SANBR: variants seen among roughly 807,000 people sequenced by gnomAD.
SANBR encodes the protein SANT and BTB domain regulator of class switch recombination.
In SANBR, 77 loss-of-function variants were observed where a neutral mutation model predicts 101.8. That is an observed-to-expected ratio of 0.76 (90% confidence interval 0.63 to 0.91). SANBR has a LOEUF of 0.91. Among genes scored for constraint, SANBR ranks in the 40% least tolerant of loss-of-function variants. SANBR has a pLI of 0.00. For synonymous variants in SANBR, 279 were observed against 274.7 expected (o/e 1.02, Z -0.15); for missense variants, 875 against 853.0 (o/e 1.03, Z -0.32).
At chr2:61,108,823 C>G (rs1418704732) in intron 15 of SANBR, among the ~76,000 whole-genome samples, 1 of 151,998 alleles carries the variant, frequency 6.6e-6, no homozygotes, top group Non-Finnish European at 1.5e-5. Context: ...CCACATTCAC[C>G]CAGAGAATGT....
rs11897794 is a variant in SANBR at position 61,084,426 on chromosome 2, A to G, written c.890+1112A>G. On this transcript the variant is annotated intron_variant, in intron 8 of 21. Coordinates refer to ENST00000402291, the MANE Select transcript of SANBR (RefSeq NM_001129993.3). ...GTGATAGTGAATTATGTTAAAAATT[A>G]TGAAGATATTACTCAAGAGGCTGAG... is the stretch of plus-strand genomic sequence containing the variant. Among the ~76,000 whole-genome samples the G allele has an allele frequency of 6.1e-3, 930 of 152,250 alleles. 9 individuals carry two copies. Among genetic ancestry groups the G allele is most frequent in the African/African-American group, 0.021 (888 of 41,550 alleles).
intron 16 of SANBR, among the ~76,000 whole-genome samples, chr2:61,111,275 C>T (rs1259882899): frequency 1.3e-5 from 2 of 152,126 alleles, no homozygotes; most frequent in African/African-American, 4.8e-5. Context: ...CACCTGTAGT[C>T]CCAGCTACTC....
intron 11 of SANBR, among the ~76,000 whole-genome samples, chr2:61,095,962 C>G (rs936781830): frequency 1.3e-5 from 2 of 152,268 alleles, no homozygotes; most frequent in South Asian, 4.2e-4. Flanking sequence ...CCTTAATCAT[C>G]CAGTGGTACT....
At position 61,123,515 on chromosome 2, in the gene SANBR, A is replaced by G. The variant is rs760774768; in HGVS notation, c.*1353A>G. 5 of 971,066 alleles carry G rather than the reference A, an allele frequency of 5.1e-6. No homozygotes were observed. The highest frequency in any genetic ancestry group is 6.1e-6 in the Non-Finnish European group (5 of 816,800). The allele number at this position is 971,066 out of a possible 1,614,324, so 60.2% of individuals were successfully genotyped here. A position where few individuals can be genotyped will look rare whatever the true frequency, so the allele number is the denominator to read the frequency against. On this transcript the variant is annotated 3_prime_UTR_variant, in exon 22 of 22. Coordinates refer to ENST00000402291, the MANE Select transcript of SANBR (RefSeq NM_001129993.3). ...GTTTCAATTGTTTGATACTGTGGAA[A>G]TAGACTTTTATTTTCGAAAGAAAAT...
intron 16 of SANBR, among the ~76,000 whole-genome samples, chr2:61,112,232 A>T (rs555776685): frequency 1.3e-5 from 2 of 152,358 alleles, no homozygotes; most frequent in South Asian, 2.1e-4. Context: ...GCACATTCAC[A>T]TCAATACTTG....
At chr2:61,080,196 CAA>C (rs57117097) in intron 6 of SANBR, among the ~76,000 whole-genome samples, 20 of 113,202 alleles carry the variant, frequency 1.8e-4, no homozygotes, top group African/African-American at 3.4e-4. Context: ...AACTTTGTCT[CAA>C]AAAAAAAAAA....
rs1019693289 is a variant in SANBR, at chr2:61,123,593, T to C, written c.*1431T>C. On this transcript the variant is annotated 3_prime_UTR_variant, in exon 22 of 22. Coordinates refer to ENST00000402291, the MANE Select transcript of SANBR (RefSeq NM_001129993.3). ...ACTCTGTTAAATACCAGAGTTTTTT[T>C]TGTAGTTTACTGTGTTTTCTGATTA... 2.0e-6 allele frequency: 2 copies of C among 982,110 alleles called. No individual in the cohort carries two copies. The highest frequency in any genetic ancestry group is 5.2e-4 in the Middle Eastern group (1 of 1,926). 60.8% of individuals were successfully genotyped at this position (982,110 alleles called of 1,614,324 possible).
intron 8 of SANBR, 25 bp downstream of exon 8, chr2:61,083,339 A>G: frequency 7.8e-7 from 1 of 1,283,446 alleles, no homozygotes; most frequent in South Asian, 1.3e-5. Context: ...TTAATTTTAA[A>G]CCTAATACTC....
rs1573580018 is a variant in SANBR at position 61,070,237 on chromosome 2, A to G, written c.-9-105A>G. On this transcript the variant is annotated intron_variant, in intron 2 of 21. Coordinates refer to ENST00000402291, the MANE Select transcript of SANBR (RefSeq NM_001129993.3). Reference sequence around the variant, plus strand: ...TAGGTCAGTTTTACTTTTCCTTTACATGGTAGCAGATAATTATTAGGAATG... The same window carrying G: ...TAGGTCAGTTTTACTTTTCCTTTACGTGGTAGCAGATAATTATTAGGAATG... 4.8e-5 allele frequency: 37 copies of G among 768,102 alleles called. No individual in the cohort carries two copies. The East Asian group carries it at 4.9e-4, about 10-fold the overall frequency. 47.6% of individuals were successfully genotyped at this position (768,102 alleles called of 1,614,324 possible).
At chr2:61,071,218 T>C (rs1031540730) in intron 3 of SANBR, among the ~76,000 whole-genome samples, 5 of 152,188 alleles carry the variant, frequency 3.3e-5, no homozygotes, top group Non-Finnish European at 7.3e-5. Context: ...TATCTTCAAA[T>C]AGAAGGCAAG....
At chr2:61,078,914 C>G (rs916641134) in intron 6 of SANBR, among the ~76,000 whole-genome samples, 1 of 151,900 alleles carries the variant, frequency 6.6e-6, no homozygotes, top group Non-Finnish European at 1.5e-5. Context: ...TGGCACCCAC[C>G]TGTAATCCCA....
chr2:61,075,023 C>T (rs1340973109), intron 5 of SANBR: 2 of 151,456 alleles, frequency 1.3e-5, no homozygotes, highest in African/African-American at 4.9e-5. Flanking sequence ...GTCCTGAACT[C>T]CTGGGCTCAA....
At chr2:61,114,804 C>T (rs1024208335) in intron 16 of SANBR, among the ~76,000 whole-genome samples, 1 of 152,106 alleles carries the variant, frequency 6.6e-6, no homozygotes, top group Non-Finnish European at 1.5e-5. Context: ...CACAGGTGTG[C>T]ACCACCATGC....
At chr2:61,100,810 T>C (rs1344212575) in intron 12 of SANBR, among the ~76,000 whole-genome samples, 1 of 152,142 alleles carries the variant, frequency 6.6e-6, no homozygotes, top group Non-Finnish European at 1.5e-5. Context: ...CTGGGAAGTT[T>C]GAGAGCTCAC....
chr2:61,092,474 TG>T lies in SANBR; in HGVS notation c.1102del (p.Asp368MetfsTer6). ...IVYIHIRDKTWDVHEYLNSLF... is the reference protein window; with the variant it reads ...IVYIHIRDKTXDVHEYLNSLF... ...AGGCTCTTTCTCCAGAGATAAGACA[TG>T]GGATGTTCATGAGTATTTGAATAGT... On this transcript the variant is annotated frameshift_variant, in exon 11 of 22. Transcript: ENST00000402291. LOFTEE classifies it high-confidence loss of function. The T allele has an allele frequency of 6.3e-7, 1 of 1,583,490 alleles. No individual in the cohort carries two copies. Among genetic ancestry groups the T allele is most frequent in the South Asian group, 1.2e-5 (1 of 82,358 alleles).
chr2:61,094,114 G>A, intron 11 of SANBR: 1 of 975,852 alleles, frequency 1.0e-6, no homozygotes, highest in Non-Finnish European at 1.2e-6. Flanking sequence ...AATGGGTTCT[G>A]TGTTCCCACA....
At chr2:61,085,894 A>T (rs542495619) in intron 8 of SANBR, among the ~76,000 whole-genome samples, 2 of 152,084 alleles carry the variant, frequency 1.3e-5, no homozygotes, top group Non-Finnish European at 2.9e-5. Flanking sequence ...TATCTTCAAG[A>T]TTGTAGTGTT....
At chr2:61,066,924 G>A (rs564459255) in intron 1 of SANBR, among the ~76,000 whole-genome samples, 20 of 152,218 alleles carry the variant, frequency 1.3e-4, no homozygotes, top group Admixed American at 5.2e-4. Flanking sequence ...GGTAAATAAC[G>A]TATTTTACCT....
chr2:61,105,014 A>G (rs559137231), intron 13 of SANBR, among the ~76,000 whole-genome samples: 1 of 149,448 alleles, frequency 6.7e-6, no homozygotes, highest in South Asian at 2.1e-4. Flanking sequence ...GAATTCGGTA[A>G]TTTCTGAAGT....
Sources: allele counts gnomAD v4.1 joint callset (sites outside exome capture counted in the v4.1 genomes callset), GRCh38; gene constraint gnomAD v4.1.1; transcripts MANE v1.5; gene names NCBI Gene and HGNC (gene_info 2026-07-23, HGNC 2026-07-21).